USP24: variants seen among roughly 807,000 people sequenced by gnomAD.
USP24 encodes the protein ubiquitin specific peptidase 24, also known as ubiquitin carboxyl-terminal hydrolase 24.
In USP24, 97 loss-of-function variants were observed where a neutral mutation model predicts 361.6. That is an observed-to-expected ratio of 0.27 (90% CI 0.23 to 0.32). The LOEUF (loss-of-function observed/expected upper bound fraction) is 0.32. Among genes scored for constraint, USP24 ranks in the 10% least tolerant of loss-of-function variants. The pLI is 1.00. For synonymous variants in USP24, 1,098 were observed against 1,124.6 expected, an observed-to-expected ratio of 0.98 and a Z score of 0.47; for missense variants, 2,353 against 3,165.6, an observed-to-expected ratio of 0.74 and a Z score of 6.16.
At chr1:55,195,911 TAA>T (rs1266577520) in intron 1 of USP24, among the ~76,000 whole-genome samples, 1 of 152,110 alleles carries the variant, frequency 6.6e-6, no homozygotes, top group Non-Finnish European at 1.5e-5. Context: ...ACTGTACACT[TAA>T]AAAAGATTAA....
At chr1:55,094,156 G>C in intron 51 of USP24, 69 bp from the exon 52 acceptor site, 1 of 1,483,732 alleles carries the variant, frequency 6.7e-7, no homozygotes, top group Non-Finnish European at 9.1e-7. Flanking sequence ...ACTAAGACTT[G>C]CCAAATTCAC....
At chr1:55,097,283 CA>C in intron 48 of USP24, 111 bp from the exon 49 acceptor site, 5 of 1,198,614 alleles carry the variant, frequency 4.2e-6, no homozygotes, top group Non-Finnish European at 5.8e-6. Context: ...AAGCTAGGAA[CA>C]ACTACCTCAC....
At position 55,125,778 on chromosome 1, in the gene USP24, A is replaced by G; in HGVS notation, c.3636-20T>C. On this transcript the variant is annotated intron_variant, in intron 32 of 67. Coordinates refer to ENST00000294383, the MANE Select transcript of USP24 (RefSeq NM_015306.3). The stretch of plus-strand genomic sequence containing the variant: ...ACCAAACTTCAAAAAGAAGAAAAAA[A>G]GGCAGGATATTAAAGACTTCTATTT... 6.5e-7 allele frequency: 1 copy of G among 1,545,848 alleles called. No homozygotes were observed. Among genetic ancestry groups the G allele is most frequent in the East Asian group, 2.4e-5 (1 of 41,720 alleles).
intron 55 of USP24, among the ~76,000 whole-genome samples, chr1:55,088,861 C>G (rs1175425467): frequency 6.6e-6 from 1 of 151,770 alleles, no homozygotes; most frequent in Non-Finnish European, 1.5e-5. Flanking sequence ...GCAAATTTTT[C>G]TTTTTTAAAT....
intron 21 of USP24, 42 bp downstream of exon 21, chr1:55,144,085 T>A (rs1178525040): frequency 5.4e-6 from 8 of 1,476,990 alleles, no homozygotes; most frequent in Non-Finnish European, 7.3e-6. Context: ...CAAGTTATAC[T>A]AGATTATCCA....
rs754249587 is a variant in USP24 at position 55,199,616 on chromosome 1, T to TGA, written c.324+15173_324+15174insTC. Among the ~76,000 whole-genome samples the TGA allele has an allele frequency of 1.5e-3, 219 of 144,922 alleles. 1 individual carries two copies. The highest frequency in any genetic ancestry group is 5.6e-3 in the African/African-American group (211 of 37,548). ...GTGTGTGTGTGTGTGTGTGTGTGTG[T>TGA]GTGTGTGAGAGAGAGAGAGACAGAC... On this transcript the variant is annotated intron_variant, in intron 1 of 67. Transcript: ENST00000294383.
rs1303039682 is a variant in USP24 at position 55,084,381 on chromosome 1, C to A, written c.6766-493G>T. 3.9e-5 allele frequency: 6 copies of A among 152,764 alleles called. No homozygotes were observed. The Admixed American group carries it at 3.9e-4, about 10-fold the overall frequency. 9.5% of individuals were successfully genotyped at this position (152,764 alleles called of 1,614,324 possible). ...AATGACAACGGTGATATCGACTCAG[C>A]CGTGAACTTACTTGAGAGCCCGCTG... On this transcript the variant is annotated intron_variant, in intron 56 of 67. Coordinates refer to ENST00000294383, the MANE Select transcript of USP24 (RefSeq NM_015306.3).
intron 31 of USP24, among the ~76,000 whole-genome samples, chr1:55,130,632 T>A (rs1208273318): frequency 6.6e-6 from 1 of 152,182 alleles, no homozygotes; most frequent in Non-Finnish European, 1.5e-5. Context: ...CCTGGGATAA[T>A]GAGCATTACA....
intron 32 of USP24, among the ~76,000 whole-genome samples, chr1:55,128,699 C>T (rs1646506538): frequency 6.6e-6 from 1 of 151,092 alleles, no homozygotes; most frequent in East Asian, 1.9e-4. Context: ...TTATATATGC[C>T]TCTGCTTTAA....
intron 27 of USP24, 44 bp downstream of exon 27, chr1:55,137,757 TTTATA>T (rs1215686132): frequency 7.1e-6 from 11 of 1,545,824 alleles, no homozygotes; most frequent in African/African-American, 6.9e-5. Flanking sequence ...AGGCTAAATA[TTTATA>T]TTATATCATT....
At chr1:55,160,809 A>G (rs902886330) in intron 8 of USP24, among the ~76,000 whole-genome samples, 1 of 152,200 alleles carries the variant, frequency 6.6e-6, no homozygotes, top group Non-Finnish European at 1.5e-5. Context: ...AGCAAAGAGC[A>G]TGTGTTTAAA....
chr1:55,075,310 T>G, intron 63 of USP24, 147 bp downstream of exon 63: 7 of 647,562 alleles, frequency 1.1e-5, no homozygotes, highest in Non-Finnish European at 1.8e-5. Context: ...CTGACCAGAA[T>G]GAGGGAGCCC....
intron 41 of USP24, among the ~76,000 whole-genome samples, chr1:55,104,386 TAAG>T (rs1222015894): frequency 6.6e-6 from 1 of 152,146 alleles, no homozygotes; most frequent in African/African-American, 2.4e-5. Flanking sequence ...GCTGTCATCC[TAAG>T]AAGATCTTAG....
chr1:55,159,503 CATGTG>C, intron 9 of USP24, 103 bp downstream of exon 9: 4 of 891,456 alleles, frequency 4.5e-6, no homozygotes, highest in Non-Finnish European at 7.0e-6. Context: ...GATGTGAATG[CATGTG>C]ACCAGAATTC....
intron 63 of USP24, among the ~76,000 whole-genome samples, chr1:55,074,679 T>TAAAA (rs892636093): frequency 8.0e-5 from 10 of 125,174 alleles, no homozygotes; most frequent in Non-Finnish European, 1.1e-4. Context: ...AATAAATAAA[T>TAAAA]AAAAATAAAA....
intron 11 of USP24, 24 bp downstream of exon 11, chr1:55,157,231 AT>A: frequency 6.6e-7 from 1 of 1,513,994 alleles, no homozygotes; most frequent in Non-Finnish European, 9.0e-7. Context: ...GTGTTAGGTA[AT>A]TTTTATTTTT....
intron 38 of USP24, among the ~76,000 whole-genome samples, chr1:55,120,199 G>A (rs1646239427): frequency 6.6e-6 from 1 of 152,116 alleles, no homozygotes; most frequent in East Asian, 1.9e-4. Context: ...AAACCAAGAA[G>A]GCAAGCTAGG....
chr1:55,174,886 C>T (rs1483391352), intron 3 of USP24, among the ~76,000 whole-genome samples: 2 of 152,212 alleles, frequency 1.3e-5, no homozygotes, highest in Non-Finnish European at 2.9e-5. Flanking sequence ...CGCTTTTGGC[C>T]TCACAAAGTG....
chr1:55,093,826 G>A lies in USP24; in HGVS notation c.6354+111C>T, dbSNP rs557339390. 144 of 1,436,438 alleles carry A rather than the reference G, an allele frequency of 1.0e-4. No individual in the cohort carries two copies. In the African/African-American group the frequency reaches 1.5e-3, roughly 15 times the overall value. The allele number at this position is 1,436,438 out of a possible 1,614,324, so 89.0% of individuals were successfully genotyped here. ...GGTTCATGAGACAAGTGTGTAAGACGATGTAGCCCCAGTGGTACAACTAAT... is the reference window on the plus strand; with the variant it reads ...GGTTCATGAGACAAGTGTGTAAGACAATGTAGCCCCAGTGGTACAACTAAT... On this transcript the variant is annotated intron_variant, in intron 52 of 67. Transcript: ENST00000294383.
Sources: allele counts gnomAD v4.1 joint callset (sites outside exome capture counted in the v4.1 genomes callset), GRCh38; gene constraint gnomAD v4.1.1; transcripts MANE v1.5; gene names NCBI Gene and HGNC (gene_info 2026-07-23, HGNC 2026-07-21).